The following NDE1 variants were observed in gnomAD, a reference collection of about 807,000 sequenced individuals.
NDE1 encodes the protein nuclear distribution protein nudE homolog 1.
A neutral mutation model predicts 43.4 loss-of-function variants in NDE1; 28 were observed. The ratio of observed to expected loss-of-function variants is 0.65; its 90% CI spans 0.48 to 0.89. The LOEUF (loss-of-function observed/expected upper bound fraction) is 0.89. Among genes scored for constraint, NDE1 ranks in the 40% least tolerant of loss-of-function variants. The pLI is 0.00. For missense variants in NDE1, 441 were observed against 434.1 expected, an observed-to-expected ratio of 1.02 and a Z score of -0.14; for synonymous variants, 184 against 172.0, an observed-to-expected ratio of 1.07 and a Z score of -0.55.
chr16:15,650,709 T>G (rs2036456664), intron 1 of NDE1, among the ~76,000 whole-genome samples: 1 of 151,784 alleles, frequency 6.6e-6, no homozygotes, highest in South Asian at 2.1e-4. Flanking sequence ...TCCTCTTCCT[T>G]CCTCCCCATA....
chr16:15,680,349 A>G (rs891743816), intron 4 of NDE1, among the ~76,000 whole-genome samples: 1 of 152,172 alleles, frequency 6.6e-6, no homozygotes, highest in Non-Finnish European at 1.5e-5. Context: ...AAAATCTTGT[A>G]AAGATGCAGA....
chr16:15,685,020 C>T (rs530744854), intron 4 of NDE1, among the ~76,000 whole-genome samples: 1 of 152,144 alleles, frequency 6.6e-6, no homozygotes, highest in Non-Finnish European at 1.5e-5. Flanking sequence ...CCAGTAGAAA[C>T]GTATTAAGAC....
At chr16:15,652,102 A>T (rs920555214) in intron 1 of NDE1, 1 of 150,824 alleles carries the variant, frequency 6.6e-6, no homozygotes, top group Non-Finnish European at 1.5e-5. Context: ...GTTTCACCAT[A>T]TTGGCCAGGC....
chr16:15,694,382 G>A (rs777662864), intron 7 of NDE1, 126 bp downstream of exon 7: 4 of 1,535,322 alleles, frequency 2.6e-6, no homozygotes, highest in East Asian at 4.9e-5. Context: ...GTCTTGCTCT[G>A]TTGCTCAGGC....
At chr16:15,650,223 G>T, upstream of NDE1, 1 of 211,632 alleles carries the variant, frequency 4.7e-6, no homozygotes, top group Non-Finnish European at 9.3e-6. Flanking sequence ...GGGTCCGGAG[G>T]GCCGGGGCCG....
chr16:15,644,548 A>AGG (rs1345553624), intron 1 of NDE1, among the ~76,000 whole-genome samples: 2 of 152,204 alleles, frequency 1.3e-5, no homozygotes, highest in Non-Finnish European at 2.9e-5. Context: ...GAGGCTACGG[A>AGG]GGGAGGATCT....
chr16:15,683,763 A>C (rs768547894), intron 4 of NDE1, among the ~76,000 whole-genome samples: 1 of 152,178 alleles, frequency 6.6e-6, no homozygotes, highest in African/African-American at 2.4e-5. Context: ...CATGCCTGTA[A>C]TCTGTCATCT....
intron 8 of NDE1, chr16:15,721,532 G>T (rs1052648046): frequency 6.2e-7 from 1 of 1,614,068 alleles, no homozygotes; most frequent in African/African-American, 1.3e-5. Flanking sequence ...TCAAGGGCCC[G>T]AGCCAGGGAC....
intron 5 of NDE1, among the ~76,000 whole-genome samples, chr16:15,690,760 G>A (rs2038709944): frequency 6.6e-6 from 1 of 151,994 alleles, no homozygotes; most frequent in African/African-American, 2.4e-5. Flanking sequence ...GGTATCTACT[G>A]TTGAACCTCT....
chr16:15,695,193 A>C (rs953447692), intron 7 of NDE1, among the ~76,000 whole-genome samples: 1 of 148,692 alleles, frequency 6.7e-6, no homozygotes, highest in African/African-American at 2.5e-5. Context: ...GAAGAGAAAA[A>C]AACTGCCACC....
chr16:15,662,308 A>G (rs1218024969), intron 1 of NDE1, among the ~76,000 whole-genome samples: 8 of 101,452 alleles, frequency 7.9e-5, no homozygotes, highest in South Asian at 3.1e-4. Flanking sequence ...TTTGAGATGG[A>G]GTCTTGATCT....
chr16:15,694,693 G>C (rs2038926903), intron 7 of NDE1: 2 of 985,192 alleles, frequency 2.0e-6, no homozygotes, highest in Non-Finnish European at 2.4e-6. Context: ...TGCTCCTTTA[G>C]CATCCCTGGG....
intron 8 of NDE1, among the ~76,000 whole-genome samples, chr16:15,705,194 C>T (rs751499071): frequency 3.9e-5 from 6 of 152,172 alleles, no homozygotes; most frequent in Non-Finnish European, 5.9e-5. Flanking sequence ...GTGACCCAGG[C>T]TGGTCTTGAA....
At chr16:15,697,854 TG>T (rs2039083491) in intron 8 of NDE1, among the ~76,000 whole-genome samples, 1 of 151,468 alleles carries the variant, frequency 6.6e-6, no homozygotes, top group African/African-American at 2.4e-5. Flanking sequence ...TCGCCTAGGC[TG>T]GAGTGTAGTG....
chr16:15,720,783 T>C (rs2040427419), intron 8 of NDE1: 4 of 1,546,048 alleles, frequency 2.6e-6, no homozygotes, highest in Admixed American at 3.3e-5. Flanking sequence ...AGAGTGGTGA[T>C]AGGAATGAAA....
intron 1 of NDE1, chr16:15,644,075 G>A (rs982019942): frequency 1.3e-5 from 2 of 152,132 alleles, no homozygotes; most frequent in Admixed American, 1.3e-4. Flanking sequence ...GAAACTACCA[G>A]CTGATTACTA....
At chr16:15,718,989 A>G (rs2040320781) in intron 8 of NDE1, 1 of 554,970 alleles carries the variant, frequency 1.8e-6, no homozygotes. Context: ...TTAGCCAGGC[A>G]TGGTGGTACA....
chr16:15,657,744 C>T (rs1013999365), intron 1 of NDE1, among the ~76,000 whole-genome samples: 2 of 151,990 alleles, frequency 1.3e-5, no homozygotes, highest in Non-Finnish European at 2.9e-5. Flanking sequence ...TACAGGCACG[C>T]ACCGCCGTGC....
At chr16:15,688,882 G>C (rs1490067652) in intron 5 of NDE1, among the ~76,000 whole-genome samples, 1 of 151,060 alleles carries the variant, frequency 6.6e-6, no homozygotes, top group Non-Finnish European at 1.5e-5. Context: ...ATTTTTAATA[G>C]AGATGGGGTT....
Sources: allele counts gnomAD v4.1 joint callset (sites outside exome capture counted in the v4.1 genomes callset), GRCh38; gene constraint gnomAD v4.1.1; transcripts MANE v1.5; gene names NCBI Gene and HGNC (gene_info 2026-07-23, HGNC 2026-07-21).